The following ANKRD12 variants were observed in gnomAD, a reference collection of about 807,000 sequenced individuals.
ANKRD12 encodes the protein ankyrin repeat domain 12, also known as ankyrin repeat domain-containing protein 12.
A neutral mutation model predicts 183.4 loss-of-function variants in ANKRD12; 85 were observed. The observed-to-expected ratio is 0.46, with a 90% CI of 0.39 to 0.56. ANKRD12 has a LOEUF of 0.56. Ranked by LOEUF, ANKRD12 falls within the 20% of genes least tolerant of loss-of-function variation. ANKRD12 has a pLI of 0.00. For synonymous variants in ANKRD12, 914 were observed against 800.2 expected (o/e 1.14, Z -2.40); for missense variants, 2,405 against 2,357.1 (o/e 1.02, Z -0.42).
intron 2 of ANKRD12, among the ~76,000 whole-genome samples, chr18:9,185,225 G>T (rs1482989024): frequency 6.6e-6 from 1 of 152,222 alleles, no homozygotes; most frequent in Non-Finnish European, 1.5e-5. Flanking sequence ...CCTTGCAAAG[G>T]ATCTTGGAAC....
chr18:9,242,845 T>C (rs1376352801), intron 8 of ANKRD12, among the ~76,000 whole-genome samples: 1 of 152,204 alleles, frequency 6.6e-6, no homozygotes, highest in Non-Finnish European at 1.5e-5. Context: ...AAGTCTTAAC[T>C]GTAATCTCTT....
chr18:9,278,205 C>T (rs2039945776), intron 11 of ANKRD12, among the ~76,000 whole-genome samples: 1 of 152,176 alleles, frequency 6.6e-6, no homozygotes, highest in Non-Finnish European at 1.5e-5. Context: ...CTGTTATCCA[C>T]CCTTTTACAG....
intron 2 of ANKRD12, among the ~76,000 whole-genome samples, chr18:9,183,176 G>A (rs749970017): frequency 2.0e-5 from 3 of 152,114 alleles, no homozygotes; most frequent in Non-Finnish European, 2.9e-5. Flanking sequence ...TTCAAAATCA[G>A]GAAGTGTAAG....
At position 9,200,425 on chromosome 18, in the gene ANKRD12, A is replaced by T. The variant is rs543078178; in HGVS notation, c.236-4051A>T. On this transcript the variant is annotated intron_variant, in intron 3 of 12. Transcript: ENST00000262126. ...ATTGAACCTATGGAAGCAAAAAGCA[A>T]CTGCTTATCTAAAAGATATTTCTTA... The T allele has an allele frequency of 5.3e-5, 8 of 152,342 alleles. No homozygotes were observed. In the South Asian group the frequency reaches 1.7e-3, roughly 32 times the overall value. 9.4% of individuals were successfully genotyped at this position (152,342 alleles called of 1,614,324 possible).
intron 9 of ANKRD12, chr18:9,259,666 T>A (rs1002159206): frequency 6.6e-6 from 1 of 152,168 alleles, no homozygotes; most frequent in Non-Finnish European, 1.5e-5. Context: ...TAGTGGGAAG[T>A]TTTTTTAATT....
At chr18:9,269,208 T>G (rs1454872295) in intron 10 of ANKRD12, among the ~76,000 whole-genome samples, 2 of 152,162 alleles carry the variant, frequency 1.3e-5, no homozygotes, top group Non-Finnish European at 2.9e-5. Flanking sequence ...AGGTAATTTA[T>G]AGATCAATGC....
intron 1 of ANKRD12, among the ~76,000 whole-genome samples, chr18:9,159,382 C>T (rs920914371): frequency 6.6e-6 from 1 of 152,120 alleles, no homozygotes; most frequent in African/African-American, 2.4e-5. Flanking sequence ...ACCTACCACC[C>T]CAACAGCAAG....
At chr18:9,260,795 T>C (rs1480047838) in intron 9 of ANKRD12, among the ~76,000 whole-genome samples, 1 of 152,220 alleles carries the variant, frequency 6.6e-6, no homozygotes, top group Non-Finnish European at 1.5e-5. Context: ...TTCTTCTGTA[T>C]GTGATCTATG....
chr18:9,263,741 A>G, intron 9 of ANKRD12, 49 bp from the exon 10 acceptor site: 1 of 1,346,876 alleles, frequency 7.4e-7, no homozygotes, highest in Non-Finnish European at 9.9e-7. Flanking sequence ...ATAGCCCATT[A>G]TTGTAAATAA....
intron 8 of ANKRD12, among the ~76,000 whole-genome samples, chr18:9,246,098 A>G (rs139655042): frequency 5.4e-4 from 82 of 152,354 alleles, no homozygotes; most frequent in African/African-American, 1.7e-3. Context: ...GCATAAGTAC[A>G]GTACTCATTT....
intron 2 of ANKRD12, among the ~76,000 whole-genome samples, chr18:9,186,551 G>A (rs2034077202): frequency 6.6e-6 from 1 of 152,146 alleles, no homozygotes; most frequent in Non-Finnish European, 1.5e-5. Flanking sequence ...GTTGTTAGAA[G>A]TATTTTCCTC....
At chr18:9,167,423 A>G (rs373930959) in intron 1 of ANKRD12, among the ~76,000 whole-genome samples, 1,627 of 152,096 alleles carry the variant, frequency 0.011, 22 homozygotes, top group African/African-American at 0.037. Context: ...TCCTTGAAGA[A>G]GTCCTTCACA....
At chr18:9,157,601 G>GT (rs1480242359) in intron 1 of ANKRD12, among the ~76,000 whole-genome samples, 13 of 106,980 alleles carry the variant, frequency 1.2e-4, no homozygotes, top group Non-Finnish European at 2.1e-4. Flanking sequence ...ATATATATAT[G>GT]TATTTTTTTT....
Position 9,162,334 on chromosome 18 carries a change from G to A in ANKRD12, c.-51-20048G>A, listed in dbSNP as rs571177668. 3.3e-5 allele frequency among the ~76,000 whole-genome samples: 5 copies of A among 151,978 alleles called. No individual in the cohort carries two copies. The South Asian group carries it at 1.0e-3, about 32-fold the overall frequency. ...TTTCCTGTGTTAGTTTGCTGAGGAT[G>A]ATAACAGCTTCCAGCTCCATCCATG... On this transcript the variant is annotated intron_variant, in intron 1 of 12. Transcript: ENST00000262126.
At chr18:9,278,853 G>A (rs2039975870) in intron 11 of ANKRD12, among the ~76,000 whole-genome samples, 1 of 152,140 alleles carries the variant, frequency 6.6e-6, no homozygotes, top group African/African-American at 2.4e-5. Flanking sequence ...AGCACTGGTA[G>A]TGGTAGTAAT....
rs36156556 is a variant in ANKRD12 at position 9,196,108 on chromosome 18, AACACACACACACACACAC to A, written c.235+436_235+453del. 2.1e-3 allele frequency among the ~76,000 whole-genome samples: 133 copies of A among 64,160 alleles called. 1 individual carries two copies. The highest frequency in any genetic ancestry group is 6.9e-3 in the African/African-American group (125 of 18,168). The allele number at this position is 64,160 out of a possible 152,430, so 42.1% of individuals were successfully genotyped here. A position where few individuals can be genotyped will look rare whatever the true frequency, so the allele number is the denominator to read the frequency against. On this transcript the variant is annotated intron_variant, in intron 3 of 12. Transcript: ENST00000262126. ...TTCAGAAATAAATTAGAAACATGCAAACACACACACACACACACACACACACACACACACACACACACA... is the reference window on the plus strand; with the variant it reads ...TTCAGAAATAAATTAGAAACATGCAAACACACACACACACACACACACACA...
At chr18:9,184,893 T>G (rs187191971) in intron 2 of ANKRD12, among the ~76,000 whole-genome samples, 1 of 152,062 alleles carries the variant, frequency 6.6e-6, no homozygotes, top group African/African-American at 2.4e-5. Context: ...ATCTCCTCAG[T>G]TGATCTCACG....
intron 3 of ANKRD12, among the ~76,000 whole-genome samples, chr18:9,201,171 A>G (rs989339613): frequency 1.2e-4 from 19 of 152,216 alleles, no homozygotes; most frequent in African/African-American, 4.3e-4. Flanking sequence ...TGAATATTGT[A>G]TAGGTATCGT....
chr18:9,203,430 G>A (rs1020636917), intron 3 of ANKRD12, among the ~76,000 whole-genome samples: 3 of 152,114 alleles, frequency 2.0e-5, no homozygotes, highest in African/African-American at 7.2e-5. Context: ...TTAAGGATAT[G>A]AAGAACACAA....
Sources: gnomAD v4.1 joint callset for allele counts (sites outside exome capture counted in the v4.1 genomes callset) on GRCh38, gnomAD v4.1.1 for gene constraint, MANE v1.5 for transcripts, NCBI Gene and HGNC (gene_info 2026-07-23, HGNC 2026-07-21) for gene names.